Variants in ITPR1 observed in about 807,000 individuals in gnomAD.
ITPR1 encodes the protein inositol 1,4,5-trisphosphate-gated calcium channel ITPR1.
ITPR1 carries 96 observed loss-of-function variants against 318.4 expected under a neutral mutation model. The ratio of observed to expected loss-of-function variants is 0.30; its 90% CI spans 0.26 to 0.36. The LOEUF is 0.36. Among genes scored for constraint, ITPR1 ranks in the 10% least tolerant of loss-of-function variants. The pLI, the probability that ITPR1 is intolerant of heterozygous loss-of-function variation, is 1.00. For missense variants in ITPR1, 2,440 were observed against 3,460.2 expected (o/e 0.71, Z 7.40); for synonymous variants, 1,312 against 1,289.9 (o/e 1.02, Z -0.37).
chr3:4,674,096 G>A, intron 21 of ITPR1, 106 bp from the exon 22 acceptor site: 1 of 809,694 alleles, frequency 1.2e-6, no homozygotes, highest in Non-Finnish European at 1.9e-6. Flanking sequence ...AGGGTCAAGG[G>A]ATGCCAAGGG....
intron 4 of ITPR1, among the ~76,000 whole-genome samples, chr3:4,601,141 T>C (rs1278481917): frequency 6.7e-6 from 1 of 150,334 alleles, no homozygotes; most frequent in Non-Finnish European, 1.5e-5. Context: ...TTTTTCAACA[T>C]AGATATCAGA....
chr3:4,845,079 T>A (rs1251236177), intron 61 of ITPR1, among the ~76,000 whole-genome samples: 1 of 152,228 alleles, frequency 6.6e-6, no homozygotes, highest in Non-Finnish European at 1.5e-5. Context: ...CTAGGAATTA[T>A]CATCCTGATT....
rs1003792897 is a variant in ITPR1 at position 4,653,898 on chromosome 3, C to A, written c.996+12C>A. The A allele has an allele frequency of 1.9e-6, 3 of 1,596,934 alleles. No homozygotes were observed. Among genetic ancestry groups the A allele is most frequent in the Middle Eastern group, 3.3e-4 (2 of 6,054 alleles). On this transcript the variant is annotated intron_variant, in intron 12 of 61. Transcript: ENST00000649015. Reference sequence around the variant, plus strand: ...AGTTTCAGCCCTCAGTAAGTATGGACAAGAGCCTTCTTGTCTTCATCTGGT... The same window carrying A: ...AGTTTCAGCCCTCAGTAAGTATGGAAAAGAGCCTTCTTGTCTTCATCTGGT...
At chr3:4,709,356 G>T (rs72997390) in intron 37 of ITPR1, among the ~76,000 whole-genome samples, 57,210 of 152,192 alleles carry the variant, frequency 0.38, 13,263 homozygotes, top group Non-Finnish European at 0.54. Context: ...CCCAAATTGT[G>T]TTAAATCTAA....
intron 42 of ITPR1, among the ~76,000 whole-genome samples, chr3:4,727,384 C>A (rs2042593633): frequency 7.2e-6 from 1 of 139,792 alleles, no homozygotes; most frequent in African/African-American, 2.6e-5. Flanking sequence ...AACCAGCTGG[C>A]CTCCAAATAA....
At chr3:4,532,917 C>T (rs1029340943) in intron 4 of ITPR1, among the ~76,000 whole-genome samples, 1 of 152,198 alleles carries the variant, frequency 6.6e-6, no homozygotes, top group Non-Finnish European at 1.5e-5. Context: ...ACTGAGTTTC[C>T]CCCGATTCAA....
chr3:4,762,383 C>T (rs1006072880), intron 44 of ITPR1, among the ~76,000 whole-genome samples: 1 of 152,146 alleles, frequency 6.6e-6, no homozygotes, highest in African/African-American at 2.4e-5. Flanking sequence ...GCCCATTTTG[C>T]AGATGAGAAG....
chr3:4,620,621 G>C (rs1213786872), intron 4 of ITPR1, among the ~76,000 whole-genome samples: 1 of 150,148 alleles, frequency 6.7e-6, no homozygotes, highest in African/African-American at 2.5e-5. Context: ...AACTTGGGAA[G>C]ATTGATTTGG....
intron 47 of ITPR1, among the ~76,000 whole-genome samples, chr3:4,776,717 A>G (rs1263114039): frequency 6.6e-6 from 1 of 152,210 alleles, no homozygotes; most frequent in Non-Finnish European, 1.5e-5. Context: ...GAATTTCCTT[A>G]TTACCTCAAG....
chr3:4,514,381 A>T (rs1167126461), intron 2 of ITPR1, among the ~76,000 whole-genome samples: 1 of 152,258 alleles, frequency 6.6e-6, no homozygotes, highest in African/African-American at 2.4e-5. Flanking sequence ...ATGTCCAGAC[A>T]TCTATTGCAA....
At chr3:4,539,382 A>AAT (rs911696962) in intron 4 of ITPR1, among the ~76,000 whole-genome samples, 11 of 152,134 alleles carry the variant, frequency 7.2e-5, no homozygotes, top group Non-Finnish European at 1.5e-4. Flanking sequence ...TGCTTGAAAG[A>AAT]ATATATATAT....
chr3:4,678,496 T>C (rs1205333450), intron 24 of ITPR1, among the ~76,000 whole-genome samples: 1 of 152,162 alleles, frequency 6.6e-6, no homozygotes, highest in African/African-American at 2.4e-5. Context: ...CGGGTACTTA[T>C]TGACTCCCTA....
chr3:4,530,120 T>C (rs2083293302), intron 4 of ITPR1, among the ~76,000 whole-genome samples: 1 of 152,220 alleles, frequency 6.6e-6, no homozygotes, highest in African/African-American at 2.4e-5. Flanking sequence ...TGAGCTGCAT[T>C]GACACAGAAG....
intron 44 of ITPR1, chr3:4,750,502 C>G (rs1053951256): frequency 3.3e-5 from 5 of 152,150 alleles, no homozygotes; most frequent in South Asian, 4.1e-4. Flanking sequence ...TGCTCACTAT[C>G]TGCAGGCAGA....
chr3:4,538,494 C>T (rs1468868891), intron 4 of ITPR1, among the ~76,000 whole-genome samples: 2 of 152,138 alleles, frequency 1.3e-5, no homozygotes. Context: ...GTGGCGATTC[C>T]TCAAAGACCT....
chr3:4,586,452 A>G (rs2089906660), intron 4 of ITPR1, among the ~76,000 whole-genome samples: 1 of 150,098 alleles, frequency 6.7e-6, no homozygotes, highest in East Asian at 2.0e-4. Flanking sequence ...CTGCTTTGCT[A>G]TGCTGCTTCT....
chr3:4,623,021 T>C (rs1038803309), intron 4 of ITPR1, among the ~76,000 whole-genome samples: 1 of 152,220 alleles, frequency 6.6e-6, no homozygotes, highest in Non-Finnish European at 1.5e-5. Context: ...TTTATTCTTT[T>C]ACTTGGTCAC....
Position 4,775,417 on chromosome 3 carries a change from G to C in ITPR1, c.6155G>C (p.Cys2052Ser), listed in dbSNP as rs1553740488. Residue 2052 changes from cysteine to serine, a missense_variant, in exon 47 of 62, where the codon TGT becomes TCT. Transcript: ENST00000649015. The part of the protein sequence containing the change: ...NQTLESLTEY[C>S]QGPCHENQNC... ...ACCCTGGAAAGTCTGACCGAATACT[G>C]TCAAGGACCTTGCCATGAGAACCAG... 1 of 1,613,156 alleles carries C rather than the reference G, an allele frequency of 6.2e-7. No individual in the cohort carries two copies. The highest frequency in any genetic ancestry group is 8.5e-7 in the Non-Finnish European group (1 of 1,179,548).
At chr3:4,805,992 C>G in intron 54 of ITPR1, 111 bp from the exon 55 acceptor site, 1 of 893,592 alleles carries the variant, frequency 1.1e-6, no homozygotes, top group Non-Finnish European at 1.7e-6. Context: ...GAAAAGGAAG[C>G]GTTTGTTTGG....
Sources: allele counts gnomAD v4.1 joint callset (sites outside exome capture counted in the v4.1 genomes callset), GRCh38; gene constraint gnomAD v4.1.1; transcripts MANE v1.5; gene names NCBI Gene and HGNC (gene_info 2026-07-23, HGNC 2026-07-21).